Variants in KIF18A observed in about 807,000 individuals in gnomAD.
The protein encoded by KIF18A is kinesin-like protein KIF18A.
A neutral mutation model predicts 103.3 loss-of-function variants in KIF18A; 67 were observed. That is an observed-to-expected ratio of 0.65 (90% CI 0.53 to 0.79). The LOEUF is 0.79. Among genes scored for constraint, KIF18A ranks in the 30% least tolerant of loss-of-function variants. KIF18A has a pLI of 0.00. For synonymous variants in KIF18A, 367 were observed against 355.5 expected (o/e 1.03, Z -0.36); for missense variants, 1,032 against 1,062.5 (o/e 0.97, Z 0.40).
intron 12 of KIF18A, among the ~76,000 whole-genome samples, chr11:28,061,403 G>A (rs140133269): frequency 6.6e-6 from 1 of 152,110 alleles, no homozygotes; most frequent in African/African-American, 2.4e-5. Context: ...AAATTGTTGA[G>A]TTAGTCTTTT....
rs753822796 is a variant in KIF18A, at chr11:28,021,267, A to G, written c.2630T>C (p.Ile877Thr). 12 of 1,476,996 alleles carry G rather than the reference A, an allele frequency of 8.1e-6. No individual in the cohort carries two copies. The East Asian group carries it at 3.1e-4, about 38-fold the overall frequency. The allele number at this position is 1,476,996 out of a possible 1,614,324, so 91.5% of individuals were successfully genotyped here. ...NKPTMEHKRNICKINPSMVRK... is the reference protein window; with the variant it reads ...NKPTMEHKRNTCKINPSMVRK... ...AACCATGCTTGGATTTATTTTACAG[A>G]TGTTTCTTTTATGTTCTAGAGAAGA... Residue 877 changes from isoleucine to threonine, a missense_variant, in exon 17 of 17, where the codon ATC becomes ACC. Physicochemically the swap from Ile to Thr is moderately conservative, Grantham distance 89 (BLOSUM62 -1). Transcript: ENST00000263181.
At chr11:28,083,073 A>T in intron 8 of KIF18A, 96 bp downstream of exon 8, 1 of 1,481,694 alleles carries the variant, frequency 6.7e-7, no homozygotes. Context: ...TTTAATTTTA[A>T]TAGAAAAATA....
intron 4 of KIF18A, 145 bp from the exon 5 acceptor site, chr11:28,090,872 C>T (rs1186085740): frequency 1.7e-6 from 1 of 595,712 alleles, no homozygotes; most frequent in African/African-American, 1.9e-5. Context: ...AACTTTGTCT[C>T]ATCTGCTTAG....
At chr11:28,025,163 T>G (rs901513452) in intron 15 of KIF18A, among the ~76,000 whole-genome samples, 2 of 152,072 alleles carry the variant, frequency 1.3e-5, no homozygotes, top group Non-Finnish European at 2.9e-5. Flanking sequence ...AAAACTTGAA[T>G]AAGGGGTGAC....
intron 6 of KIF18A, among the ~76,000 whole-genome samples, chr11:28,085,793 A>G (rs1851220059): frequency 6.6e-6 from 1 of 151,762 alleles, no homozygotes; most frequent in Non-Finnish European, 1.5e-5. Context: ...ATTTATTACA[A>G]TCTCTCGTCT....
intron 13 of KIF18A, among the ~76,000 whole-genome samples, chr11:28,054,709 C>A (rs1251165403): frequency 6.6e-6 from 1 of 152,084 alleles, no homozygotes; most frequent in South Asian, 2.1e-4. Context: ...AATAGTTGAT[C>A]TCTAAAATCA....
chr11:28,054,943 ATTTT>A (rs1412290063), intron 13 of KIF18A, among the ~76,000 whole-genome samples: 2 of 152,190 alleles, frequency 1.3e-5, no homozygotes, highest in Non-Finnish European at 2.9e-5. Context: ...TGAAATATAG[ATTTT>A]TAAATAAGGA....
intron 5 of KIF18A, among the ~76,000 whole-genome samples, chr11:28,089,006 C>T (rs1184754846): frequency 6.6e-6 from 1 of 152,108 alleles, no homozygotes; most frequent in Non-Finnish European, 1.5e-5. Context: ...TGAACCAGGA[C>T]ATGGAATTAT....
intron 15 of KIF18A, among the ~76,000 whole-genome samples, chr11:28,028,067 T>C (rs940645344): frequency 1.3e-5 from 2 of 151,968 alleles, no homozygotes; most frequent in African/African-American, 2.4e-5. Flanking sequence ...ATGTGATACA[T>C]TGTATCAATA....
At chr11:28,030,499 T>A (rs1850382177) in intron 15 of KIF18A, among the ~76,000 whole-genome samples, 1 of 152,058 alleles carries the variant, frequency 6.6e-6, no homozygotes, top group Non-Finnish European at 1.5e-5. Context: ...TGAAACTGGA[T>A]CCCTTCCTTA....
chr11:28,097,842 C>A lies in KIF18A; in HGVS notation c.106G>T (p.Val36Phe), dbSNP rs780069748. 1.2e-6 allele frequency: 2 copies of A among 1,613,008 alleles called. No individual in the cohort carries two copies. Among genetic ancestry groups the A allele is most frequent in the African/African-American group, 2.7e-5 (2 of 74,880 alleles). ...AAAACTAGGATATGTTTATCCACAA[C>A]ATGAACCACTTTATGAAATCCAGCT... The part of the protein sequence containing the change: ...KAAGFHKVVH[V>F]VDKHILVFDP... Residue 36 changes from valine to phenylalanine, a missense_variant, in exon 2 of 17, where the codon GTT (valine) becomes TTT (phenylalanine). By Grantham distance (50) the Val-to-Phe change is conservative. Coordinates refer to ENST00000263181, the MANE Select transcript of KIF18A (RefSeq NM_031217.4).
chr11:28,046,130 G>A (rs1850629684), intron 13 of KIF18A, among the ~76,000 whole-genome samples: 1 of 152,010 alleles, frequency 6.6e-6, no homozygotes, highest in African/African-American at 2.4e-5. Flanking sequence ...GTGGAAGTCA[G>A]TGTGGCGATT....
At chr11:28,035,821 T>C (rs1850478080) in intron 14 of KIF18A, among the ~76,000 whole-genome samples, 1 of 151,554 alleles carries the variant, frequency 6.6e-6, no homozygotes, top group Non-Finnish European at 1.5e-5. Context: ...AACCATACTT[T>C]AGGGGTATGA....
intron 13 of KIF18A, among the ~76,000 whole-genome samples, chr11:28,046,878 C>T (rs1850642648): frequency 6.7e-6 from 1 of 149,892 alleles, no homozygotes; most frequent in African/African-American, 2.4e-5. Flanking sequence ...GTGGTGAAAC[C>T]CCTTCTCTAC....
chr11:28,069,196 AAG>A, intron 11 of KIF18A, 61 bp downstream of exon 11: 1 of 1,279,468 alleles, frequency 7.8e-7, no homozygotes, highest in Non-Finnish European at 1.1e-6. Context: ...CAATAAGAAA[AAG>A]AACACATTTT....
At chr11:28,086,161 G>C (rs1851226661) in intron 6 of KIF18A, among the ~76,000 whole-genome samples, 1 of 151,806 alleles carries the variant, frequency 6.6e-6, no homozygotes, top group Non-Finnish European at 1.5e-5. Flanking sequence ...AAAACTATTT[G>C]AAAATGTCTA....
At chr11:28,089,025 A>T (rs938762871) in intron 5 of KIF18A, among the ~76,000 whole-genome samples, 1 of 152,104 alleles carries the variant, frequency 6.6e-6, no homozygotes, top group African/African-American at 2.4e-5. Flanking sequence ...ATCAGAGGTG[A>T]TGGTTAGAAA....
chr11:28,022,944 C>A (rs1174475356), intron 16 of KIF18A, among the ~76,000 whole-genome samples: 1 of 152,190 alleles, frequency 6.6e-6, no homozygotes, highest in Non-Finnish European at 1.5e-5. Context: ...AAAATTATAT[C>A]ATGAGACACC....
rs371649644 is a variant in KIF18A, at chr11:28,029,447, G to C, written c.2505-5597C>G. ...CAAAAACCACATGATTATCTCAATA[G>C]ATGCAGAAAAGGCCTTTGACAAAAT... is the stretch of plus-strand genomic sequence containing the variant. On this transcript the variant is annotated intron_variant, in intron 15 of 16. Transcript: ENST00000263181. Among the ~76,000 whole-genome samples the C allele has an allele frequency of 1.0e-3, 157 of 150,868 alleles. 2 individuals are homozygous for C. Among genetic ancestry groups the C allele is most frequent in the African/African-American group, 2.3e-3 (94 of 40,790 alleles).
Sources: allele counts gnomAD v4.1 joint callset (sites outside exome capture counted in the v4.1 genomes callset), GRCh38; gene constraint gnomAD v4.1.1; transcripts MANE v1.5; gene names NCBI Gene and HGNC (gene_info 2026-07-23, HGNC 2026-07-21).